Variants in ZBTB20 observed in about 807,000 individuals in gnomAD.
The protein encoded by ZBTB20 is zinc finger and BTB domain-containing protein 20.
A neutral mutation model predicts 56.9 loss-of-function variants in ZBTB20; 9 were observed. The observed-to-expected ratio is 0.16, with a 90% CI of 0.10 to 0.28. The LOEUF (loss-of-function observed/expected upper bound fraction) is 0.28, where lower values mean the gene tolerates loss of function less well. ZBTB20 is among the 10% of genes least tolerant of loss of function. ZBTB20 has a pLI of 1.00. For missense variants in ZBTB20, 655 were observed against 1,003.0 expected (o/e 0.65, Z 4.69); for synonymous variants, 417 against 420.7 (o/e 0.99, Z 0.11).
intron 2 of ZBTB20, among the ~76,000 whole-genome samples, chr3:115,040,944 A>T (rs1043051178): frequency 6.6e-6 from 1 of 152,124 alleles, no homozygotes; most frequent in Non-Finnish European, 1.5e-5. Flanking sequence ...TTTTTGACTT[A>T]AATAATTCCT....
chr3:114,630,326 A>G (rs1322581095), intron 6 of ZBTB20, among the ~76,000 whole-genome samples: 4 of 152,330 alleles, frequency 2.6e-5, no homozygotes, highest in South Asian at 2.1e-4. Flanking sequence ...ACACACAGCC[A>G]TAACTCATTG....
At position 114,981,436 on chromosome 3, in the gene ZBTB20, T is replaced by C. The variant is rs568655656; in HGVS notation, c.-506-7020A>G. Among the ~76,000 whole-genome samples, 6 of 152,248 alleles carry C rather than the reference T, an allele frequency of 3.9e-5. No individual in the cohort carries two copies. The South Asian group carries it at 1.2e-3, about 32-fold the overall frequency. ...AAGGTATTTGAGCTTTGAAACAAAA[T>C]AGTGCTGCTTTAAAATCATTCCACA... is the stretch of plus-strand genomic sequence containing the variant. On this transcript the variant is annotated intron_variant, in intron 2 of 11. Transcript: ENST00000675478.
At chr3:114,979,194 TAAG>T (rs2078231477) in intron 2 of ZBTB20, among the ~76,000 whole-genome samples, 1 of 152,006 alleles carries the variant, frequency 6.6e-6, no homozygotes, top group African/African-American at 2.4e-5. Flanking sequence ...GTAGAAAACT[TAAG>T]TTGGAGGTTA....
At chr3:114,650,964 G>C (rs1339842028) in intron 6 of ZBTB20, among the ~76,000 whole-genome samples, 1 of 151,938 alleles carries the variant, frequency 6.6e-6, no homozygotes, top group Non-Finnish European at 1.5e-5. Context: ...AATACAACTT[G>C]TTAAAAGCAG....
rs539123319 is a variant in ZBTB20 at position 114,325,094 on chromosome 3, A to G, written c.*13911T>C. ...TTACTAAGACACCCTGCTTTCATCT[A>G]CTCTGAAAACCATAATTCTTTCAAC... is the stretch of plus-strand genomic sequence containing the variant. On this transcript the variant is annotated 3_prime_UTR_variant, in exon 12 of 12. Transcript: ENST00000675478. 1 of 152,172 alleles carries G rather than the reference A, an allele frequency of 6.6e-6. No homozygotes were observed. The highest frequency in any genetic ancestry group is 2.1e-4 in the South Asian group (1 of 4,824). The allele number at this position is 152,172 out of a possible 1,614,324, so 9.4% of individuals were successfully genotyped here. A position where few individuals can be genotyped will look rare whatever the true frequency, so the allele number is the denominator to read the frequency against.
intron 2 of ZBTB20, among the ~76,000 whole-genome samples, chr3:115,009,245 G>T (rs1466515183): frequency 1.3e-5 from 2 of 151,378 alleles, no homozygotes; most frequent in African/African-American, 4.9e-5. Flanking sequence ...TCACTATATA[G>T]CCCTTAATCT....
At chr3:114,561,758 C>T (rs756362440) in intron 6 of ZBTB20, among the ~76,000 whole-genome samples, 10 of 152,016 alleles carry the variant, frequency 6.6e-5, no homozygotes, top group Non-Finnish European at 1.5e-4. Flanking sequence ...TAAACATTGG[C>T]TCCCAGTTAA....
At chr3:114,969,656 A>C (rs1415545314) in intron 3 of ZBTB20, among the ~76,000 whole-genome samples, 5 of 152,148 alleles carry the variant, frequency 3.3e-5, no homozygotes, top group African/African-American at 1.2e-4. Context: ...TATGGCAAAT[A>C]CTCTATAACC....
At chr3:115,071,899 T>C (rs916270172) in intron 1 of ZBTB20, among the ~76,000 whole-genome samples, 2 of 152,118 alleles carry the variant, frequency 1.3e-5, no homozygotes, top group Non-Finnish European at 2.9e-5. Context: ...GAATTCTTAT[T>C]CCACAGGGTT....
At chr3:115,083,807 A>T (rs1306218909) in intron 1 of ZBTB20, among the ~76,000 whole-genome samples, 2 of 152,066 alleles carry the variant, frequency 1.3e-5, no homozygotes. Context: ...TCTGTAGAGT[A>T]GGATATATAT....
In ZBTB20 at chr3:114,820,937, G is replaced by A. The variant is rs117109764; in HGVS notation, c.-416-19763C>T. 4.6e-5 allele frequency among the ~76,000 whole-genome samples: 7 copies of A among 152,058 alleles called. No homozygotes were observed. In the East Asian group the frequency reaches 1.4e-3, roughly 29 times the overall value. ...AATAATTGTTTTGGTACCAATTTCA[G>A]GAATAATCAATCTGAGAATGTTTAC... On this transcript the variant is annotated intron_variant, in intron 4 of 11. Coordinates refer to ENST00000675478, the MANE Select transcript of ZBTB20 (RefSeq NM_001348800.3).
At chr3:114,372,527 C>A (rs1306403240) in intron 10 of ZBTB20, among the ~76,000 whole-genome samples, 1 of 152,184 alleles carries the variant, frequency 6.6e-6, no homozygotes, top group Non-Finnish European at 1.5e-5. Flanking sequence ...ATGAACTTTT[C>A]TCAACAATTA....
chr3:114,927,267 T>C (rs2076193593), intron 3 of ZBTB20, among the ~76,000 whole-genome samples: 1 of 152,338 alleles, frequency 6.6e-6, no homozygotes, highest in African/African-American at 2.4e-5. Context: ...CTGCTTTTGC[T>C]TCAAGTTGTC....
At chr3:114,995,179 T>C (rs1324477503) in intron 2 of ZBTB20, among the ~76,000 whole-genome samples, 1 of 151,906 alleles carries the variant, frequency 6.6e-6, no homozygotes, top group Non-Finnish European at 1.5e-5. Context: ...AAGGTGGAAC[T>C]GTAAACACAA....
chr3:114,869,180 T>C (rs564647770), intron 4 of ZBTB20, among the ~76,000 whole-genome samples: 1 of 152,140 alleles, frequency 6.6e-6, no homozygotes, highest in Non-Finnish European at 1.5e-5. Flanking sequence ...GCATTTGTTA[T>C]GTAGCATAAA....
intron 2 of ZBTB20, among the ~76,000 whole-genome samples, chr3:114,990,198 C>A (rs964573118): frequency 2.6e-5 from 4 of 152,114 alleles, no homozygotes; most frequent in Non-Finnish European, 5.9e-5. Context: ...AAAGGGAATG[C>A]TTCCAGTTTT....
intron 5 of ZBTB20, among the ~76,000 whole-genome samples, chr3:114,757,572 T>A (rs2068095554): frequency 6.6e-6 from 1 of 152,090 alleles, no homozygotes; most frequent in African/African-American, 2.4e-5. Context: ...TGGACCAAAT[T>A]TTGCCCTCAA....
chr3:114,977,410 G>A (rs1485983958), intron 2 of ZBTB20, among the ~76,000 whole-genome samples: 2 of 152,182 alleles, frequency 1.3e-5, no homozygotes, highest in Non-Finnish European at 2.9e-5. Flanking sequence ...TTAGGTTTGA[G>A]TCCTATAGCA....
intron 7 of ZBTB20, among the ~76,000 whole-genome samples, chr3:114,458,530 A>G (rs375064770): frequency 2.2e-4 from 33 of 152,286 alleles, no homozygotes; most frequent in African/African-American, 7.7e-4. Flanking sequence ...TCATGGGCAG[A>G]TATTTCCAGA....
Sources: gnomAD v4.1 joint callset for allele counts (sites outside exome capture counted in the v4.1 genomes callset) on GRCh38, gnomAD v4.1.1 for gene constraint, MANE v1.5 for transcripts, NCBI Gene and HGNC (gene_info 2026-07-23, HGNC 2026-07-21) for gene names.